PLEKHM3: variants seen among roughly 807,000 people sequenced by gnomAD.
PLEKHM3 encodes pleckstrin homology domain containing M3.
In PLEKHM3, 45 loss-of-function variants were observed where a neutral mutation model predicts 81.8. That is an observed-to-expected ratio of 0.55 (90% CI 0.43 to 0.71). PLEKHM3 has a LOEUF of 0.71. Among genes scored for constraint, PLEKHM3 ranks in the 30% least tolerant of loss-of-function variants. The pLI is 0.00. For missense variants in PLEKHM3, 788 were observed against 924.3 expected, an observed-to-expected ratio of 0.85 and a Z score of 1.91; for synonymous variants, 352 against 356.4, an observed-to-expected ratio of 0.99 and a Z score of 0.14.
chr2:207,842,229 T>G (rs1258685993), intron 7 of PLEKHM3, among the ~76,000 whole-genome samples: 1 of 152,124 alleles, frequency 6.6e-6, no homozygotes, highest in Non-Finnish European at 1.5e-5. Flanking sequence ...CCACCGCGCC[T>G]GGCCCCCATC....
chr2:207,996,919 G>A (rs1308181916), intron 2 of PLEKHM3, among the ~76,000 whole-genome samples: 4 of 151,908 alleles, frequency 2.6e-5, no homozygotes, highest in African/African-American at 4.8e-5. Context: ...TACTGAACAT[G>A]GTTCTAAGAA....
At chr2:207,919,871 TTG>T (rs1308156676) in intron 5 of PLEKHM3, among the ~76,000 whole-genome samples, 1 of 152,036 alleles carries the variant, frequency 6.6e-6, no homozygotes, top group African/African-American at 2.4e-5. Context: ...TCAAGTGACA[TTG>T]ATGGGGACTG....
intron 3 of PLEKHM3, among the ~76,000 whole-genome samples, chr2:207,964,021 G>A (rs1690827243): frequency 6.6e-6 from 1 of 152,146 alleles, no homozygotes; most frequent in Non-Finnish European, 1.5e-5. Flanking sequence ...AGACCAGCCT[G>A]GCCAATATGG....
intron 6 of PLEKHM3, among the ~76,000 whole-genome samples, chr2:207,905,798 A>AT (rs1323719359): frequency 1.3e-5 from 2 of 152,308 alleles, no homozygotes; most frequent in East Asian, 3.9e-4. Flanking sequence ...TAAGCTGTTG[A>AT]TTGCCTCCAT....
In PLEKHM3 at chr2:207,853,439, A is replaced by G. The variant is rs188173177; in HGVS notation, c.2108+7666T>C. Among the ~76,000 whole-genome samples, 423 of 149,450 alleles carry G rather than the reference A, an allele frequency of 2.8e-3. 5 individuals carry two copies. The highest frequency in any genetic ancestry group is 1.0e-2 in the African/African-American group (402 of 40,348). ...TCTCAAAAAAAAAAAAAAATCATTT[A>G]TTAAAAGTACAGGGCCCGGTGTGGT... On this transcript the variant is annotated intron_variant, in intron 7 of 7. Coordinates refer to ENST00000427836, the MANE Select transcript of PLEKHM3 (RefSeq NM_001080475.3).
At position 207,918,377 on chromosome 2, in the gene PLEKHM3, C is replaced by T. The variant is rs1424500779; in HGVS notation, c.1887-9800G>A. On this transcript the variant is annotated intron_variant, in intron 5 of 7. Coordinates refer to ENST00000427836, the MANE Select transcript of PLEKHM3 (RefSeq NM_001080475.3). ...CTCTACTAAAAATACAAAAAATTAG[C>T]TGGACGTGGTGGTGGGCGCCTGTAG... Among the ~76,000 whole-genome samples, 9 of 152,150 alleles carry T rather than the reference C, an allele frequency of 5.9e-5. No homozygotes were observed. In the East Asian group the frequency reaches 1.6e-3, roughly 26 times the overall value.
chr2:207,866,650 G>A (rs149703782), intron 6 of PLEKHM3, among the ~76,000 whole-genome samples: 1 of 152,154 alleles, frequency 6.6e-6, no homozygotes, highest in Non-Finnish European at 1.5e-5. Flanking sequence ...ACCTCCTGTT[G>A]TGAGCAAATT....
intron 4 of PLEKHM3, among the ~76,000 whole-genome samples, chr2:207,935,834 A>C (rs1365135827): frequency 6.6e-6 from 1 of 152,206 alleles, no homozygotes; most frequent in Non-Finnish European, 1.5e-5. Flanking sequence ...ATCTTACAGC[A>C]AGTAGGCTAC....
intron 1 of PLEKHM3, among the ~76,000 whole-genome samples, chr2:208,006,520 G>A (rs1692497616): frequency 6.6e-6 from 1 of 152,168 alleles, no homozygotes; most frequent in Non-Finnish European, 1.5e-5. Context: ...TCAGCTACCT[G>A]TATCCCATAG....
At chr2:207,935,419 G>T (rs80324355) in intron 4 of PLEKHM3, among the ~76,000 whole-genome samples, 2 of 152,170 alleles carry the variant, frequency 1.3e-5, no homozygotes, top group Admixed American at 6.5e-5. Flanking sequence ...AAGAAAGGGC[G>T]TCTTTCTCTA....
chr2:207,961,088 T>G (rs1690715051), intron 3 of PLEKHM3, among the ~76,000 whole-genome samples: 1 of 152,248 alleles, frequency 6.6e-6, no homozygotes, highest in African/African-American at 2.4e-5. Context: ...GGCCATATAA[T>G]AAATCAGTGG....
intron 2 of PLEKHM3, among the ~76,000 whole-genome samples, chr2:207,980,621 T>C (rs977187703): frequency 2.0e-5 from 3 of 152,056 alleles, no homozygotes; most frequent in African/African-American, 7.2e-5. Context: ...CAGACTGGAG[T>C]GCAATGGCGT....
intron 2 of PLEKHM3, among the ~76,000 whole-genome samples, chr2:207,989,184 A>T (rs182463004): frequency 6.6e-6 from 1 of 152,334 alleles, no homozygotes; most frequent in Admixed American, 6.5e-5. Context: ...CTTTGCTACA[A>T]TCTGTGGAGA....
At chr2:207,894,942 G>T (rs2105878140) in intron 6 of PLEKHM3, among the ~76,000 whole-genome samples, 1 of 152,210 alleles carries the variant, frequency 6.6e-6, no homozygotes, top group South Asian at 2.1e-4. Flanking sequence ...TCATTATATA[G>T]GGCTATTGTG....
intron 5 of PLEKHM3, among the ~76,000 whole-genome samples, chr2:207,927,587 T>C (rs1029932166): frequency 6.7e-6 from 1 of 150,082 alleles, no homozygotes; most frequent in Non-Finnish European, 1.5e-5. Context: ...CCCAGCACTT[T>C]GGGAGGCTGA....
chr2:207,913,946 C>T (rs1266273639), intron 5 of PLEKHM3, among the ~76,000 whole-genome samples: 1 of 152,034 alleles, frequency 6.6e-6, no homozygotes, highest in East Asian at 1.9e-4. Flanking sequence ...CACACACACA[C>T]ACTCCCCTGA....
intron 4 of PLEKHM3, among the ~76,000 whole-genome samples, chr2:207,944,529 C>A (rs979024767): frequency 3.3e-5 from 5 of 152,130 alleles, no homozygotes; most frequent in Non-Finnish European, 7.4e-5. Flanking sequence ...TGCATAATCA[C>A]CCCTATTTTC....
chr2:207,946,228 T>C, intron 4 of PLEKHM3, 139 bp downstream of exon 4: 1 of 876,246 alleles, frequency 1.1e-6, no homozygotes, highest in Non-Finnish European at 1.7e-6. Flanking sequence ...TAAGAAGCAT[T>C]AGGTAAGGTC....
intron 1 of PLEKHM3, among the ~76,000 whole-genome samples, chr2:208,009,208 A>G (rs911166182): frequency 5.3e-5 from 8 of 151,450 alleles, no homozygotes; most frequent in African/African-American, 1.9e-4. Context: ...CAATTCACAC[A>G]CTCTTTACCT....
Sources: allele counts gnomAD v4.1 joint callset (sites outside exome capture counted in the v4.1 genomes callset), GRCh38; gene constraint gnomAD v4.1.1; transcripts MANE v1.5; gene names NCBI Gene and HGNC (gene_info 2026-07-23, HGNC 2026-07-21).